Variants in ELL3 observed in about 807,000 individuals in gnomAD.
ELL3 encodes the protein elongation factor for RNA polymerase II 3.
A neutral mutation model predicts 58.5 loss-of-function variants in ELL3; 48 were observed. The ratio of observed to expected loss-of-function variants is 0.82; its 90% CI spans 0.65 to 1.04. The LOEUF is 1.04. ELL3 is among the 50% of genes least tolerant of loss of function. The pLI is 0.00. For missense variants in ELL3, 458 were observed against 478.4 expected (o/e 0.96, Z 0.40); for synonymous variants, 174 against 173.2 (o/e 1.00, Z -0.04).
Position 43,774,264 on chromosome 15 carries a change from G to C in ELL3, c.956C>G (p.Ala319Gly). ...TDYAEYRILHARVGTASQRFI... is the reference protein window; with the variant it reads ...TDYAEYRILHGRVGTASQRFI... ...CCTTTGGCTTGCAGTCCCAACACGGGCATGCAGGATGCGGTATTCAGCATA... is the reference window on the plus strand; with the variant it reads ...CCTTTGGCTTGCAGTCCCAACACGGCCATGCAGGATGCGGTATTCAGCATA... Residue 319 changes from alanine (A) to glycine (G), a missense_variant, in exon 9 of 11, where the codon GCC becomes GGC. Physicochemically the swap from Ala to Gly is moderately conservative, Grantham distance 60. Coordinates refer to ENST00000319359, the MANE Select transcript of ELL3 (RefSeq NM_025165.3). The C allele has an allele frequency of 5.6e-6, 9 of 1,614,154 alleles. No individual in the cohort carries two copies. Among genetic ancestry groups the C allele is most frequent in the Non-Finnish European group, 7.6e-6 (9 of 1,180,048 alleles).
Position 43,773,320 on chromosome 15 carries a change from T to C in ELL3, c.1067A>G (p.Tyr356Cys). ...KVLEDKIIQE[Y>C]KKFRKQYPSY... ...TTGTCTTACCTTCCTGAACTTTTTA[T>C]ATTCCTGGATTATCTTGTCTTCCAG... The change falls in exon 10 of 11, where the codon TAT becomes TGT. Residue 356 changes from tyrosine (Y) to cysteine (C), a missense_variant. Tyr to Cys is a radical substitution (Grantham distance 194). Coordinates refer to ENST00000319359, the MANE Select transcript of ELL3 (RefSeq NM_025165.3). The C allele has an allele frequency of 6.2e-7, 1 of 1,614,242 alleles. No individual in the cohort carries two copies. Among genetic ancestry groups the C allele is most frequent in the Non-Finnish European group, 8.5e-7 (1 of 1,180,046 alleles).
In ELL3 at chr15:43,776,387, A is replaced by G. The variant is rs2086917182; in HGVS notation, c.168+122T>C. The G allele has an allele frequency of 4.1e-6, 6 of 1,468,366 alleles. No homozygotes were observed. In the South Asian group the frequency reaches 6.1e-5, roughly 15 times the overall value. The allele number at this position is 1,468,366 out of a possible 1,614,324, so 91.0% of individuals were successfully genotyped here. ...TCCTCGCCCCACTTGGAGTTCAGTT[A>G]TCGGAACTACCTCAGACCGTGACTA... On this transcript the variant is annotated intron_variant, in intron 2 of 10. Transcript: ENST00000319359.
Position 43,774,278 on chromosome 15 carries a change from G to T in ELL3, c.942C>A (p.Tyr314Ter). 6.2e-7 allele frequency: 1 copy of T among 1,614,194 alleles called. No individual in the cohort carries two copies. The highest frequency in any genetic ancestry group is 8.5e-7 in the Non-Finnish European group (1 of 1,180,040). Residue 314 changes from tyrosine to a stop codon, truncating the protein, a stop_gained, in exon 9 of 11, where the codon TAC (tyrosine) becomes TAA (stop). Transcript: ENST00000319359. LOFTEE classifies it high-confidence loss of function. ...EQDFETDYAE[Y>*]RILHARVGTA... is the part of the protein sequence containing the mutation. ...TCCCAACACGGGCATGCAGGATGCG[G>T]TATTCAGCATAATCTGTCTCAAAGT...
intron 9 of ELL3, among the ~76,000 whole-genome samples, chr15:43,773,622 C>T (rs1020625621): frequency 1.3e-5 from 2 of 151,684 alleles, no homozygotes; most frequent in African/African-American, 4.8e-5. Context: ...GGCGTGAACC[C>T]GGGAGGCGGA....
rs1424940957 is a variant in ELL3, at chr15:43,775,864, G to A, written c.341C>T (p.Ala114Val). 1 of 1,614,182 alleles carries A rather than the reference G, an allele frequency of 6.2e-7. No individual in the cohort carries two copies. Among genetic ancestry groups the A allele is most frequent in the Non-Finnish European group, 8.5e-7 (1 of 1,180,032 alleles). Residue 114 changes from alanine to valine, a missense_variant, in exon 4 of 11, where the codon GCA (alanine) becomes GTA (valine). Coordinates refer to ENST00000319359, the MANE Select transcript of ELL3 (RefSeq NM_025165.3). ...TGGGGCTGGGATAGAATCCATGGCT[G>A]CCCAAATAATGAGGCGCTCCCTGAG... ...GSLRERLIIWAAMDSIPAPSS... is the reference protein window; with the variant it reads ...GSLRERLIIWVAMDSIPAPSS...
chr15:43,773,831 G>A lies in ELL3; in HGVS notation c.1038+351C>T, dbSNP rs145626761. Among the ~76,000 whole-genome samples, 820 of 151,872 alleles carry A rather than the reference G, an allele frequency of 5.4e-3. 1 individual carries two copies. Among genetic ancestry groups the A allele is most frequent in the South Asian group, 0.013 (62 of 4,808 alleles). ...AGCCTGGCCAACATGGTAAAACCCT[G>A]TCTCTACTAAAAATACAAAAAGTGG... On this transcript the variant is annotated intron_variant, in intron 9 of 10. Transcript: ENST00000319359.
chr15:43,776,774 T>G lies in ELL3; in HGVS notation c.128A>C (p.Gln43Pro). The G allele has an allele frequency of 1.2e-6, 2 of 1,604,548 alleles. No individual in the cohort carries two copies. The highest frequency in any genetic ancestry group is 1.7e-6 in the Non-Finnish European group (2 of 1,173,678). The stretch of plus-strand genomic sequence containing the variant: ...GAAGAAGGGGGCCGGCCGTACCTGT[T>G]GCCGCTGACACTCTTGCAGCGCCCG... ...ALRALQECQR[Q>P]QVRPVIAFQG... The change falls in exon 1 of 11, where the codon CAA becomes CCA. Residue 43 changes from glutamine to proline, a missense_variant. Gln to Pro is a moderately conservative substitution (Grantham distance 76). Transcript: ENST00000319359.
chr15:43,773,050 T>C lies in ELL3; in HGVS notation c.*66A>G. The C allele has an allele frequency of 7.1e-7, 1 of 1,405,566 alleles. No individual in the cohort carries two copies. The highest frequency in any genetic ancestry group is 9.7e-7 in the Non-Finnish European group (1 of 1,029,586). 87.1% of individuals were successfully genotyped at this position (1,405,566 alleles called of 1,614,324 possible). ...GAAAAGCAGATAGTTGCATTCTATTTAGTTTATAGCTGCTTTGTTCCTTTG... is the reference window on the plus strand; with the variant it reads ...GAAAAGCAGATAGTTGCATTCTATTCAGTTTATAGCTGCTTTGTTCCTTTG... On this transcript the variant is annotated 3_prime_UTR_variant, in exon 11 of 11. Coordinates refer to ENST00000319359, the MANE Select transcript of ELL3 (RefSeq NM_025165.3).
rs578034582 is a variant in ELL3, at chr15:43,776,020, G to T, written c.281+19C>A. 3 of 1,613,324 alleles carry T rather than the reference G, an allele frequency of 1.9e-6. No individual in the cohort carries two copies. The highest frequency in any genetic ancestry group is 1.3e-5 in the African/African-American group (1 of 74,898). On this transcript the variant is annotated intron_variant, in intron 3 of 10. Transcript: ENST00000319359. Reference sequence around the variant, plus strand: ...ACTTTCCACAAACCCTTTCTTGCCGGCTACCTGTTCCCCCTCACCTGAGGA... The same window carrying T: ...ACTTTCCACAAACCCTTTCTTGCCGTCTACCTGTTCCCCCTCACCTGAGGA...
intron 2 of ELL3, 84 bp downstream of exon 2, chr15:43,776,425 G>C (rs2086917466): frequency 6.5e-7 from 1 of 1,545,488 alleles, no homozygotes; most frequent in South Asian, 1.2e-5. Context: ...CGCAGCCTCC[G>C]GCCCCGACCG....
At chr15:43,776,018 C>A (rs1193401604) in intron 3 of ELL3, 21 bp downstream of exon 3, 1 of 1,613,194 alleles carries the variant, frequency 6.2e-7, no homozygotes, top group African/African-American at 1.3e-5. Context: ...CCTTTCTTGC[C>A]GGCTACCTGT....
chr15:43,775,381 T>A lies in ELL3; in HGVS notation c.570A>T (p.Arg190Ser). The A allele has an allele frequency of 6.2e-7, 1 of 1,613,262 alleles. No individual in the cohort carries two copies. The highest frequency in any genetic ancestry group is 8.5e-7 in the Non-Finnish European group (1 of 1,179,376). Residue 190 changes from arginine to serine, a missense_variant and splice_region_variant, in exon 6 of 11, where the codon AGA becomes AGT. By Grantham distance (110) the Arg-to-Ser change is moderately radical. Coordinates refer to ENST00000319359, the MANE Select transcript of ELL3 (RefSeq NM_025165.3). ...SREHMAQWEV[R>S]SQTHVPNREP... ...CTCTGTTTGGAACATGGGTCTGGCT[T>A]CTAGGATATTTTAAGGGAATGGGAC...
Position 43,776,942 on chromosome 15 carries a change from G to C in ELL3, c.-41C>G, listed in dbSNP as rs565761602. 2 of 1,602,708 alleles carry C rather than the reference G, an allele frequency of 1.2e-6. No individual in the cohort carries two copies. Among genetic ancestry groups the C allele is most frequent in the South Asian group, 2.2e-5 (2 of 90,684 alleles). The stretch of plus-strand genomic sequence containing the variant: ...TGCAAGCAGCACGGGGGCCACAGGC[G>C]AGGGCCACCACCGCCACCTCCTCTG... On this transcript the variant is annotated 5_prime_UTR_variant, in exon 1 of 11. Coordinates refer to ENST00000319359, the MANE Select transcript of ELL3 (RefSeq NM_025165.3).
At chr15:43,776,385 TTATCGGAAC>T in intron 2 of ELL3, 115 bp downstream of exon 2, 1 of 1,453,238 alleles carries the variant, frequency 6.9e-7, no homozygotes, top group Non-Finnish European at 9.4e-7. Context: ...TGGAGTTCAG[TTATCGGAAC>T]TACCTCAGAC....
chr15:43,773,377 C>A, intron 9 of ELL3, 29 bp from the exon 10 acceptor site: 1 of 1,613,412 alleles, frequency 6.2e-7, no homozygotes, highest in South Asian at 1.1e-5. Context: ...GCACTGAGTT[C>A]AACATTAAGA....
chr15:43,776,546 T>C lies in ELL3; in HGVS notation c.133-2A>G. The C allele has an allele frequency of 6.4e-7, 1 of 1,567,514 alleles. No homozygotes were observed. Among genetic ancestry groups the C allele is most frequent in the Non-Finnish European group, 8.7e-7 (1 of 1,154,550 alleles). On this transcript the variant is annotated splice_acceptor_variant, in intron 1 of 10. Coordinates refer to ENST00000319359, the MANE Select transcript of ELL3 (RefSeq NM_025165.3). LOFTEE classifies it high-confidence loss of function. Reference sequence around the variant, plus strand: ...TTGGAAAGCAATCACCGGCCGTACCTGCGGGGAGAGCGAAGATGTGACCGT... The same window carrying C: ...TTGGAAAGCAATCACCGGCCGTACCCGCGGGGAGAGCGAAGATGTGACCGT...
chr15:43,776,423 C>T (rs2086917415), intron 2 of ELL3, 86 bp downstream of exon 2: 5 of 1,544,436 alleles, frequency 3.2e-6, no homozygotes, highest in Middle Eastern at 1.7e-4. Flanking sequence ...CTCGCAGCCT[C>T]CGGCCCCGAC....
intron 2 of ELL3, 173 bp from the exon 3 acceptor site, chr15:43,776,324 C>G: frequency 8.8e-7 from 1 of 1,135,022 alleles, no homozygotes; most frequent in Non-Finnish European, 1.3e-6. Flanking sequence ...CAGCACAGTC[C>G]CCTCAAACCA....
At chr15:43,776,337 G>A in intron 2 of ELL3, 172 bp downstream of exon 2, 1 of 1,202,310 alleles carries the variant, frequency 8.3e-7, no homozygotes, top group Non-Finnish European at 1.2e-6. Flanking sequence ...TCAAACCACA[G>A]CCCCCTGGGA....
Sources: gnomAD v4.1 joint callset for allele counts (sites outside exome capture counted in the v4.1 genomes callset) on GRCh38, gnomAD v4.1.1 for gene constraint, MANE v1.5 for transcripts, NCBI Gene and HGNC (gene_info 2026-07-23, HGNC 2026-07-21) for gene names.